The following LRRC4C variants were observed in gnomAD, a reference collection of about 807,000 sequenced individuals.
LRRC4C encodes leucine-rich repeat-containing protein 4C.
In LRRC4C, 5 loss-of-function variants were observed where a neutral mutation model predicts 33.6. That is an observed-to-expected ratio of 0.15 (90% CI 0.08 to 0.31). LRRC4C has a LOEUF of 0.31. Ranked by LOEUF, LRRC4C falls within the 10% of genes least tolerant of loss-of-function variation. The pLI, the probability that LRRC4C is intolerant of heterozygous loss-of-function variation, is 1.00. For synonymous variants in LRRC4C, 329 were observed against 302.0 expected (o/e 1.09, Z -0.93); for missense variants, 560 against 796.7 (o/e 0.70, Z 3.58).
At chr11:40,659,085 C>T (rs952230106) in intron 2 of LRRC4C, among the ~76,000 whole-genome samples, 1 of 152,198 alleles carries the variant, frequency 6.6e-6, no homozygotes, top group African/African-American at 2.4e-5. Flanking sequence ...CCCAGGAAGC[C>T]CCTACATCCA....
rs1010951079 is a variant in LRRC4C at position 41,272,538 on chromosome 11, T to C, written c.-496+186893A>G. On this transcript the variant is annotated intron_variant, in intron 1 of 6. Coordinates refer to ENST00000528697, the MANE Select transcript of LRRC4C (RefSeq NM_001258419.2). ...TATTTAAGATGAATTGAATGAAGTA[T>C]TTCAATTACAATATACTTGAGAAAC... 2.6e-5 allele frequency among the ~76,000 whole-genome samples: 4 copies of C among 152,140 alleles called. No individual in the cohort carries two copies. In the East Asian group the frequency reaches 7.7e-4, roughly 29 times the overall value.
At chr11:40,669,010 T>A (rs139914990) in intron 2 of LRRC4C, among the ~76,000 whole-genome samples, 54 of 152,350 alleles carry the variant, frequency 3.5e-4, no homozygotes, top group African/African-American at 1.3e-3. Flanking sequence ...TCTCTACGGT[T>A]GTTGTGTTTT....
chr11:41,019,369 C>A (rs1053087561), intron 1 of LRRC4C, among the ~76,000 whole-genome samples: 4 of 152,150 alleles, frequency 2.6e-5, no homozygotes, highest in Admixed American at 2.6e-4. Context: ...TTTATGGCTG[C>A]ATAGTATTCC....
rs77287046 is a variant in LRRC4C at position 40,153,946 on chromosome 11, T to C, written c.-95-13093A>G. ...AAGCACAAAGAACACTTGGGAAATT[T>C]ATTACAAAAAGATGTTTGCCTAGGC... On this transcript the variant is annotated intron_variant, in intron 5 of 6. Coordinates refer to ENST00000528697, the MANE Select transcript of LRRC4C (RefSeq NM_001258419.2). Among the ~76,000 whole-genome samples the C allele has an allele frequency of 4.8e-3, 726 of 152,220 alleles. 7 individuals are homozygous for C. The highest frequency in any genetic ancestry group is 0.016 in the African/African-American group (678 of 41,526).
At chr11:40,591,164 C>G (rs552484944) in intron 3 of LRRC4C, among the ~76,000 whole-genome samples, 2 of 152,088 alleles carry the variant, frequency 1.3e-5, no homozygotes, top group Non-Finnish European at 2.9e-5. Context: ...AGCCAGGTAC[C>G]GGATATAATC....
chr11:40,693,112 C>T (rs1378129022), intron 2 of LRRC4C, among the ~76,000 whole-genome samples: 1 of 151,738 alleles, frequency 6.6e-6, no homozygotes, highest in Non-Finnish European at 1.5e-5. Context: ...TGGTTTTTTA[C>T]CGCACACACA....
chr11:40,845,719 T>C (rs970872968), intron 2 of LRRC4C, among the ~76,000 whole-genome samples: 3 of 152,164 alleles, frequency 2.0e-5, no homozygotes, highest in African/African-American at 7.2e-5. Flanking sequence ...CTGGGTCAAA[T>C]GATATTTCTG....
chr11:41,457,002 C>T (rs1260795726), intron 1 of LRRC4C, among the ~76,000 whole-genome samples: 1 of 152,078 alleles, frequency 6.6e-6, no homozygotes, highest in Non-Finnish European at 1.5e-5. Context: ...CTATTACTAG[C>T]CTAAAATAAG....
At chr11:40,912,047 G>A (rs1956722635) in intron 2 of LRRC4C, among the ~76,000 whole-genome samples, 1 of 152,176 alleles carries the variant, frequency 6.6e-6, no homozygotes. Context: ...GGGACTATGT[G>A]AAAAGACCAA....
chr11:40,696,772 ATATC>A (rs1555147712), intron 2 of LRRC4C, among the ~76,000 whole-genome samples: 1 of 146,138 alleles, frequency 6.8e-6, no homozygotes, highest in Non-Finnish European at 1.5e-5. Flanking sequence ...ATATATATAT[ATATC>A]TGAGTATATA....
At chr11:40,563,369 G>C (rs1957630211) in intron 3 of LRRC4C, among the ~76,000 whole-genome samples, 1 of 152,088 alleles carries the variant, frequency 6.6e-6, no homozygotes, top group African/African-American at 2.4e-5. Flanking sequence ...GCCTGGTGGA[G>C]ATGAATGCCC....
Position 41,431,658 on chromosome 11 carries a change from T to TAC in LRRC4C, c.-496+27771_-496+27772dup, listed in dbSNP as rs540166281. 2.3e-4 allele frequency among the ~76,000 whole-genome samples: 35 copies of TAC among 151,714 alleles called. 1 individual carries two copies. In the South Asian group the frequency reaches 6.3e-3, roughly 27 times the overall value. The stretch of plus-strand genomic sequence containing the variant: ...GTGTGTGTGTGTGTGTGTGTACACG[T>TAC]ACACACACGCACACACATGCCCAGT... On this transcript the variant is annotated intron_variant, in intron 1 of 6. Coordinates refer to ENST00000528697, the MANE Select transcript of LRRC4C (RefSeq NM_001258419.2).
Position 40,331,803 on chromosome 11 carries a change from C to G in LRRC4C, c.-269-12082G>C, listed in dbSNP as rs746352414. Among the ~76,000 whole-genome samples the G allele has an allele frequency of 1.9e-4, 29 of 152,304 alleles. No individual in the cohort carries two copies. In the South Asian group the frequency reaches 2.3e-3, roughly 12 times the overall value. ...GCCCCAAACCCTGCCATTCTTCAGA[C>G]TGGGACTGAGTTATGCCACCCGCTT... On this transcript the variant is annotated intron_variant, in intron 3 of 6. Coordinates refer to ENST00000528697, the MANE Select transcript of LRRC4C (RefSeq NM_001258419.2).
chr11:41,076,278 C>T (rs991773387), intron 1 of LRRC4C, among the ~76,000 whole-genome samples: 1 of 152,180 alleles, frequency 6.6e-6, no homozygotes, highest in African/African-American at 2.4e-5. Flanking sequence ...TCCCAATCTG[C>T]CTTTTCATAG....
intron 4 of LRRC4C, among the ~76,000 whole-genome samples, chr11:40,254,015 GTA>G (rs1867000686): frequency 6.6e-6 from 1 of 152,082 alleles, no homozygotes; most frequent in African/African-American, 2.4e-5. Context: ...TTCCATTTCT[GTA>G]GATCTTATAT....
intron 1 of LRRC4C, among the ~76,000 whole-genome samples, chr11:41,184,796 C>T (rs1438938725): frequency 4.1e-5 from 6 of 144,882 alleles, no homozygotes; most frequent in Non-Finnish European, 9.0e-5. Context: ...TAACTGCATA[C>T]CTGAGACTGG....
intron 3 of LRRC4C, among the ~76,000 whole-genome samples, chr11:40,498,647 T>C (rs1333026455): frequency 2.0e-5 from 3 of 152,156 alleles, no homozygotes; most frequent in Non-Finnish European, 4.4e-5. Flanking sequence ...CTTAGCAATG[T>C]TGTGGTGAGA....
chr11:40,276,237 T>G (rs559338321), intron 4 of LRRC4C, among the ~76,000 whole-genome samples: 14 of 152,222 alleles, frequency 9.2e-5, no homozygotes, highest in African/African-American at 3.4e-4. Context: ...CTGGGCCTGA[T>G]AAGTGCTAAA....
At chr11:40,310,758 T>A (rs530785724) in intron 4 of LRRC4C, among the ~76,000 whole-genome samples, 1 of 152,330 alleles carries the variant, frequency 6.6e-6, no homozygotes, top group Admixed American at 6.5e-5. Flanking sequence ...GACTGTATGC[T>A]GGTTTGATTT....
Sources: gnomAD v4.1 joint callset for allele counts (sites outside exome capture counted in the v4.1 genomes callset) on GRCh38, gnomAD v4.1.1 for gene constraint, MANE v1.5 for transcripts, NCBI Gene and HGNC (gene_info 2026-07-23, HGNC 2026-07-21) for gene names.